The following TNRC6A variants were observed in gnomAD, a reference collection of about 807,000 sequenced individuals.
The protein encoded by TNRC6A is trinucleotide repeat-containing gene 6A protein.
TNRC6A carries 44 observed loss-of-function variants against 221.2 expected under a neutral mutation model. The ratio of observed to expected loss-of-function variants is 0.20; its 90% CI spans 0.16 to 0.26. The LOEUF (loss-of-function observed/expected upper bound fraction) is 0.26. Ranked by LOEUF, TNRC6A falls within the 10% of genes least tolerant of loss-of-function variation. The probability of loss-of-function intolerance (pLI) is 1.00; values close to 1 mark genes in which losing one functional copy is unlikely to be tolerated. For missense variants in TNRC6A, 2,199 were observed against 2,404.4 expected (o/e 0.91, Z 1.79); for synonymous variants, 847 against 838.5 (o/e 1.01, Z -0.18).
chr16:24,718,314 G>C (rs1421958000), intron 2 of TNRC6A, among the ~76,000 whole-genome samples: 1 of 152,160 alleles, frequency 6.6e-6, no homozygotes. Context: ...ATAGGAGGGG[G>C]CAGGAATGAT....
intron 18 of TNRC6A, 107 bp from the exon 19 acceptor site, chr16:24,815,040 A>G: frequency 2.4e-6 from 3 of 1,272,778 alleles, no homozygotes; most frequent in East Asian, 4.7e-5. Context: ...AACACAGCCT[A>G]GAGCCCACAG....
intron 2 of TNRC6A, among the ~76,000 whole-genome samples, chr16:24,666,655 AAAAAAAAAAAAAAATAT>A (rs2055171527): frequency 7.9e-6 from 1 of 126,912 alleles, no homozygotes; most frequent in African/African-American, 3.2e-5. Context: ...AAAAAAAAAA[AAAAAAAAAAAAAAATAT>A]ATATATATAT....
At chr16:24,813,121 C>T (rs1208643577) in intron 18 of TNRC6A, among the ~76,000 whole-genome samples, 2 of 152,088 alleles carry the variant, frequency 1.3e-5, no homozygotes, top group African/African-American at 4.8e-5. Context: ...AAGTGATCCA[C>T]CTGCTTCGGC....
chr16:24,704,689 A>G (rs2056061650), intron 2 of TNRC6A, among the ~76,000 whole-genome samples: 2 of 149,798 alleles, frequency 1.3e-5, no homozygotes, highest in South Asian at 2.1e-4. Flanking sequence ...AAAAAAAAAA[A>G]AAAAAGAAAG....
chr16:24,760,423 A>G (rs993716217), intron 4 of TNRC6A, among the ~76,000 whole-genome samples: 4 of 152,190 alleles, frequency 2.6e-5, no homozygotes, highest in African/African-American at 9.7e-5. Flanking sequence ...ATATGAACAT[A>G]TTTAGTCTTC....
rs2057774222 is a variant in TNRC6A, at chr16:24,778,537, T to C, written c.589+1179T>C. ...AATTTAAGTCATTGTCCTGAGTTAA[T>C]ATTTACTTGCTAATTTCCCAGCACC... On this transcript the variant is annotated intron_variant, in intron 5 of 24. Transcript: ENST00000395799. The C allele has an allele frequency of 3.1e-6, 3 of 967,618 alleles. No individual in the cohort carries two copies. The African/African-American group carries it at 5.3e-5, about 17-fold the overall frequency. 59.9% of individuals were successfully genotyped at this position (967,618 alleles called of 1,614,324 possible).
chr16:24,707,036 C>T lies in TNRC6A; in HGVS notation n.403-43690C>T, dbSNP rs192044466. ...ATTTTGAGACAGGGTTACTCTGTCA[C>T]CCAGGCTGGAGTGCAGTAGCACGAT... On this transcript the variant is annotated intron_variant and non_coding_transcript_variant, in intron 2 of 2. Coordinates refer to the TNRC6A transcript ENST00000566108. Among the ~76,000 whole-genome samples, 612 of 151,248 alleles carry T rather than the reference C, an allele frequency of 4.0e-3. 6 individuals carry two copies. Among genetic ancestry groups the T allele is most frequent in the African/African-American group, 0.014 (582 of 41,174 alleles).
At chr16:24,777,508 G>A (rs568788118) in intron 5 of TNRC6A, 150 bp downstream of exon 5, 13 of 698,724 alleles carry the variant, frequency 1.9e-5, no homozygotes, top group Non-Finnish European at 2.8e-5. Flanking sequence ...TATGAATGGG[G>A]AATCTTAGAA....
rs544218410 is a variant in TNRC6A, at chr16:24,803,147, G to A, written c.3695-1030G>A. Among the ~76,000 whole-genome samples, 13 of 152,248 alleles carry A rather than the reference G, an allele frequency of 8.5e-5. No homozygotes were observed. In the South Asian group the frequency reaches 2.5e-3, roughly 29 times the overall value. On this transcript the variant is annotated intron_variant, in intron 11 of 24. Coordinates refer to ENST00000395799, the MANE Select transcript of TNRC6A (RefSeq NM_014494.4). ...CATAAAGCATTCATAGGCCAGGTGC[G>A]GTGGCTCACGTCTGTAAATCCAGCA...
Position 24,758,328 on chromosome 16 carries a change from TTTTA to T in TNRC6A, c.142-7_142-4del, listed in dbSNP as rs1293034859. 6.2e-7 allele frequency: 1 copy of T among 1,607,370 alleles called. No homozygotes were observed. Among genetic ancestry groups the T allele is most frequent in the Non-Finnish European group, 8.5e-7 (1 of 1,174,630 alleles). On this transcript the variant is annotated splice_region_variant and splice_polypyrimidine_tract_variant and intron_variant, in intron 3 of 24. Coordinates refer to ENST00000395799, the MANE Select transcript of TNRC6A (RefSeq NM_014494.4). ...TTTACATTGTTTTTTGTTTGTTTGTTTTTATTTTAGGCCACTGAACAAAAAATCA... is the reference window on the plus strand; with the variant it reads ...TTTACATTGTTTTTTGTTTGTTTGTTTTTTAGGCCACTGAACAAAAAATCA...
At chr16:24,667,855 A>T (rs1351759054) in intron 2 of TNRC6A, among the ~76,000 whole-genome samples, 1 of 152,048 alleles carries the variant, frequency 6.6e-6, no homozygotes, top group African/African-American at 2.4e-5. Flanking sequence ...CCTGGGCAAC[A>T]TACCAAGAAA....
intron 5 of TNRC6A, among the ~76,000 whole-genome samples, chr16:24,786,776 C>T (rs562097208): frequency 1.1e-4 from 16 of 152,150 alleles, no homozygotes; most frequent in African/African-American, 3.4e-4. Flanking sequence ...CCTCTGCCTC[C>T]GCGGTTTAAG....
chr16:24,709,328 A>T (rs1294218619), intron 2 of TNRC6A, among the ~76,000 whole-genome samples: 1 of 152,012 alleles, frequency 6.6e-6, no homozygotes, highest in African/African-American at 2.4e-5. Context: ...GATACCCAGT[A>T]TTGAGATTGC....
intron 20 of TNRC6A, among the ~76,000 whole-genome samples, chr16:24,817,267 G>A (rs1177130686): frequency 6.6e-6 from 1 of 152,092 alleles, no homozygotes; most frequent in Non-Finnish European, 1.5e-5. Context: ...AATTTAATAA[G>A]TTAACATAAA....
intron 11 of TNRC6A, among the ~76,000 whole-genome samples, chr16:24,801,736 A>G (rs988096844): frequency 1.1e-4 from 16 of 152,116 alleles, no homozygotes; most frequent in Middle Eastern, 3.2e-3. Context: ...CGGCCTCCCA[A>G]AGCGCTGAGA....
At chr16:24,617,984 G>T (rs1210891694) in intron 1 of TNRC6A, among the ~76,000 whole-genome samples, 4 of 152,136 alleles carry the variant, frequency 2.6e-5, no homozygotes, top group Admixed American at 2.0e-4. Context: ...CGTAACCTCT[G>T]CCTCCCAGGT....
chr16:24,691,003 G>T (rs2055744727), intron 2 of TNRC6A, among the ~76,000 whole-genome samples: 1 of 151,910 alleles, frequency 6.6e-6, no homozygotes. Context: ...TAGAGACGGG[G>T]TTTCACCGTG....
chr16:24,706,596 G>A (rs1389022330), intron 2 of TNRC6A, among the ~76,000 whole-genome samples: 1 of 150,328 alleles, frequency 6.7e-6, no homozygotes, highest in Non-Finnish European at 1.5e-5. Flanking sequence ...GGCGCCTGAA[G>A]CAGGAGAATG....
chr16:24,613,640 A>G (rs74415504), intron 1 of TNRC6A, among the ~76,000 whole-genome samples: 9,365 of 149,694 alleles, frequency 0.063, 387 homozygotes, highest in African/African-American at 0.098. Context: ...CAATTCTCCC[A>G]CCTCAGCCTC....
Sources: allele counts gnomAD v4.1 joint callset (sites outside exome capture counted in the v4.1 genomes callset), GRCh38; gene constraint gnomAD v4.1.1; transcripts MANE v1.5; gene names NCBI Gene and HGNC (gene_info 2026-07-23, HGNC 2026-07-21).